The following DOCK3 variants were observed in gnomAD, a reference collection of about 807,000 sequenced individuals.
DOCK3 encodes the protein dedicator of cytokinesis 3, also known as dedicator of cytokinesis protein 3.
Under a neutral mutation model 265.6 loss-of-function variants are expected in DOCK3, and 60 were observed. The ratio of observed to expected loss-of-function variants is 0.23; its 90% CI spans 0.18 to 0.28. The LOEUF is 0.28. DOCK3 is among the 10% of genes least tolerant of loss of function. The probability of loss-of-function intolerance (pLI) is 1.00; values close to 1 mark genes in which losing one functional copy is unlikely to be tolerated. For missense variants in DOCK3, 1,981 were observed against 2,594.3 expected, an observed-to-expected ratio of 0.76 and a Z score of 5.14; for synonymous variants, 881 against 938.0, an observed-to-expected ratio of 0.94 and a Z score of 1.11.
At chr3:51,062,859 T>A (rs1322384093) in intron 5 of DOCK3, among the ~76,000 whole-genome samples, 1 of 152,258 alleles carries the variant, frequency 6.6e-6, no homozygotes, top group East Asian at 1.9e-4. Flanking sequence ...ACATTGCCTT[T>A]ATGGCTTAAT....
At chr3:51,377,341 C>A (rs960215771) in intron 51 of DOCK3, among the ~76,000 whole-genome samples, 1 of 152,264 alleles carries the variant, frequency 6.6e-6, no homozygotes, top group African/African-American at 2.4e-5. Context: ...TAAGTCTCTA[C>A]CTGGATCCTC....
chr3:50,936,619 A>T (rs1306620508), intron 5 of DOCK3, among the ~76,000 whole-genome samples: 1 of 152,208 alleles, frequency 6.6e-6, no homozygotes, highest in African/African-American at 2.4e-5. Context: ...TTCTCATCAG[A>T]AAGTATGGCA....
intron 1 of DOCK3, among the ~76,000 whole-genome samples, chr3:50,689,341 A>T (rs1305681102): frequency 2.0e-5 from 3 of 152,218 alleles, no homozygotes; most frequent in Non-Finnish European, 4.4e-5. Flanking sequence ...TTATAGTTCA[A>T]CATGCCTGGG....
rs765377525 is a variant in DOCK3 at position 51,075,431 on chromosome 3, C to T, written c.540C>T (p.Leu180=). ...CGGACCAGATTAGTGTCTCAGATCT[C>T]TATAAGATGGTAAGAAATCTAACAT... ...VDSDQISVSD[L]YKMHLSSRQS... is the part of the protein sequence containing the mutation. Residue 180 remains leucine, a synonymous_variant, in exon 7 of 53, where the codon CTC becomes CTT. Transcript: ENST00000266037. The T allele has an allele frequency of 2.5e-6, 4 of 1,605,130 alleles. No homozygotes were observed. Among genetic ancestry groups the T allele is most frequent in the Non-Finnish European group, 3.4e-6 (4 of 1,176,388 alleles).
intron 27 of DOCK3, among the ~76,000 whole-genome samples, chr3:51,295,408 A>G (rs2082025994): frequency 6.6e-6 from 1 of 152,226 alleles, no homozygotes; most frequent in Admixed American, 6.5e-5. Context: ...GAAGGCATTT[A>G]TCTATTCTTC....
intron 32 of DOCK3, among the ~76,000 whole-genome samples, chr3:51,324,198 C>T (rs906592403): frequency 2.0e-5 from 3 of 152,214 alleles, no homozygotes; most frequent in African/African-American, 7.2e-5. Flanking sequence ...CCCAAAATCT[C>T]CTTAAGCTGA....
Position 51,119,540 on chromosome 3 carries a change from G to A in DOCK3, c.747-27009G>A, listed in dbSNP as rs1244991711. On this transcript the variant is annotated intron_variant, in intron 9 of 52. Coordinates refer to ENST00000266037, the MANE Select transcript of DOCK3 (RefSeq NM_004947.5). ...TTGCTAGGTTGGGAAAGTTCTCCTG[G>A]ATAATATCCTGATGTGTGTTTTCCA... Among the ~76,000 whole-genome samples the A allele has an allele frequency of 2.0e-5, 3 of 152,094 alleles. No individual in the cohort carries two copies. In the East Asian group the frequency reaches 5.8e-4, roughly 29 times the overall value.
rs1465708648 is a variant in DOCK3 at position 50,744,431 on chromosome 3, A to C, written c.38-34244A>C. Among the ~76,000 whole-genome samples, 4 of 122,134 alleles carry C rather than the reference A, an allele frequency of 3.3e-5. No individual in the cohort carries two copies. In the East Asian group the frequency reaches 6.8e-4, roughly 21 times the overall value. The allele number at this position is 122,134 out of a possible 152,430, so 80.1% of individuals were successfully genotyped here. A position where few individuals can be genotyped will look rare whatever the true frequency, so the allele number is the denominator to read the frequency against. On this transcript the variant is annotated intron_variant, in intron 1 of 52. Coordinates refer to ENST00000266037, the MANE Select transcript of DOCK3 (RefSeq NM_004947.5). ...ATGTGTAGCTCTTTGATCCATCTTCAGTTAATTTTTTTTTTTTTTTTGAGG... is the reference window on the plus strand; with the variant it reads ...ATGTGTAGCTCTTTGATCCATCTTCCGTTAATTTTTTTTTTTTTTTTGAGG...
Position 51,381,221 on chromosome 3 carries a change from A to C in DOCK3, c.5755A>C (p.Ser1919Arg), listed in dbSNP as rs2088610110. Residue 1919 changes from serine (S) to arginine (R), a missense_variant, in exon 53 of 53, where the codon AGT becomes CGT. Physicochemically the swap from Ser to Arg is moderately radical, Grantham distance 110 (BLOSUM62 -1). Transcript: ENST00000266037. This position sits in a 1 kb window ranked among gnomAD's most constrained non-coding sequence, Gnocchi z 5.6. ...CACTGACACCATGGACTCCATGCCA[A>C]GTCAGGCCTGGAATGCTGACGAAGA... ...PRTDTMDSMP[S>R]QAWNADEDLE... is the part of the protein sequence containing the mutation. 6.2e-7 allele frequency: 1 copy of C among 1,613,882 alleles called. No homozygotes were observed. The highest frequency in any genetic ancestry group is 8.5e-7 in the Non-Finnish European group (1 of 1,179,864).
At chr3:50,804,363 G>A (rs888573183) in intron 2 of DOCK3, among the ~76,000 whole-genome samples, 39 of 152,232 alleles carry the variant, frequency 2.6e-4, no homozygotes, top group Admixed American at 1.6e-3. Flanking sequence ...CTGCAATCTC[G>A]GCACTTTGGG....
chr3:51,228,583 A>G (rs1388141154), intron 17 of DOCK3, 78 bp from the exon 18 acceptor site: 69 of 1,486,356 alleles, frequency 4.6e-5, no homozygotes, highest in Non-Finnish European at 5.8e-5. Context: ...AGCAAGTATC[A>G]GCCCAGAAAT....
In DOCK3 at chr3:51,375,795, C is replaced by T. The variant is rs1247926169; in HGVS notation, c.5460C>T (p.Cys1820=). Reference sequence around the variant, plus strand: ...TGTTCCAGCAAGTGGTCGGAGCCTGCAAACCCTGCAGTGATCCCAATCTGT... The same window carrying T: ...TGTTCCAGCAAGTGGTCGGAGCCTGTAAACCCTGCAGTGATCCCAATCTGT... ...RALFQQVVGA[C]KPCSDPNLSV... is the part of the protein sequence containing the mutation. Residue 1820 remains cysteine, a synonymous_variant, in exon 51 of 53, where the codon TGC becomes TGT. Transcript: ENST00000266037. The T allele has an allele frequency of 6.2e-7, 1 of 1,613,866 alleles. No homozygotes were observed. The highest frequency in any genetic ancestry group is 8.5e-7 in the Non-Finnish European group (1 of 1,179,886).
intron 31 of DOCK3, among the ~76,000 whole-genome samples, chr3:51,314,714 A>T (rs917605007): frequency 3.3e-5 from 5 of 152,152 alleles, no homozygotes; most frequent in Non-Finnish European, 4.4e-5. Flanking sequence ...TCTCAGAGAG[A>T]TTTTCAGGTA....
At chr3:50,740,396 C>T (rs918249558) in intron 1 of DOCK3, among the ~76,000 whole-genome samples, 5 of 151,990 alleles carry the variant, frequency 3.3e-5, no homozygotes, top group Non-Finnish European at 7.4e-5. Context: ...AGGAATGGAA[C>T]GGTTAAATTA....
At chr3:50,862,769 T>C (rs997664936) in intron 3 of DOCK3, among the ~76,000 whole-genome samples, 3 of 152,202 alleles carry the variant, frequency 2.0e-5, no homozygotes, top group Non-Finnish European at 4.4e-5. Context: ...GGCTGTCCTT[T>C]ATTGCCAGGA....
chr3:51,069,211 G>T (rs1354353936), intron 6 of DOCK3, among the ~76,000 whole-genome samples: 1 of 152,094 alleles, frequency 6.6e-6, no homozygotes, highest in East Asian at 1.9e-4. Context: ...AATACAAGAA[G>T]GGCAGAAAGT....
At chr3:51,291,550 A>G (rs916356102) in intron 27 of DOCK3, among the ~76,000 whole-genome samples, 1 of 152,224 alleles carries the variant, frequency 6.6e-6, no homozygotes, top group Admixed American at 6.5e-5. Flanking sequence ...TTAATCATGA[A>G]GAGATTGGAA....
At chr3:51,080,163 A>G (rs1209389991) in intron 7 of DOCK3, among the ~76,000 whole-genome samples, 2 of 152,218 alleles carry the variant, frequency 1.3e-5, no homozygotes, top group Non-Finnish European at 2.9e-5. Context: ...ATAGCAGGCA[A>G]TTAATTTTGT....
At chr3:51,348,759 G>C in intron 38 of DOCK3, 93 bp from the exon 39 acceptor site, 1 of 1,279,316 alleles carries the variant, frequency 7.8e-7, no homozygotes, top group Non-Finnish European at 1.1e-6. Flanking sequence ...GCTGGCGGGA[G>C]ACCTTTTGTT....
Sources: allele counts gnomAD v4.1 joint callset (sites outside exome capture counted in the v4.1 genomes callset), GRCh38; gene constraint gnomAD v4.1.1; non-coding constraint Gnocchi (gnomAD v3.1); transcripts MANE v1.5; gene names NCBI Gene and HGNC (gene_info 2026-07-23, HGNC 2026-07-21).